NKD1: variants seen among roughly 807,000 people sequenced by gnomAD.
The protein encoded by NKD1 is NKD inhibitor of Wnt signaling pathway 1.
A neutral mutation model predicts 56.0 loss-of-function variants in NKD1; 21 were observed. The ratio of observed to expected loss-of-function variants is 0.38; its 90% CI spans 0.27 to 0.54. The LOEUF (loss-of-function observed/expected upper bound fraction) is 0.54. NKD1 is among the 20% of genes least tolerant of loss of function. The pLI, the probability that NKD1 is intolerant of heterozygous loss-of-function variation, is 0.82. For missense variants in NKD1, 578 were observed against 642.7 expected (o/e 0.90, Z 1.09); for synonymous variants, 263 against 265.7 (o/e 0.99, Z 0.10).
At chr16:50,625,892 C>T (rs1342922759) in intron 6 of NKD1, among the ~76,000 whole-genome samples, 1 of 152,238 alleles carries the variant, frequency 6.6e-6, no homozygotes, top group Non-Finnish European at 1.5e-5. Context: ...GGCCCCAAGG[C>T]CCTAACCGAG....
At chr16:50,613,436 G>C (rs1352818880) in intron 4 of NKD1, among the ~76,000 whole-genome samples, 1 of 152,176 alleles carries the variant, frequency 6.6e-6, no homozygotes, top group Non-Finnish European at 1.5e-5. Context: ...GGGACCCCCA[G>C]ATGGAGGGGC....
chr16:50,592,925 A>G (rs1835496229), intron 3 of NKD1, among the ~76,000 whole-genome samples: 3 of 152,174 alleles, frequency 2.0e-5, no homozygotes, highest in South Asian at 2.1e-4. Flanking sequence ...GGGTATGAAC[A>G]GCACTCCCTT....
At chr16:50,592,783 G>A (rs1160580109) in intron 3 of NKD1, among the ~76,000 whole-genome samples, 1 of 152,112 alleles carries the variant, frequency 6.6e-6, no homozygotes, top group Non-Finnish European at 1.5e-5. Flanking sequence ...ATGGGGAGGG[G>A]GAGGGGGCGG....
Position 50,648,703 on chromosome 16 carries a change from A to C in NKD1, c.*14922A>C, listed in dbSNP as rs1386307371. ...CAGTTCTCAGACTCCTTCGCAAATA[A>C]ATTTTGTGACTAAACTCTAGTCAAC... On this transcript the variant is annotated 3_prime_UTR_variant, in exon 10 of 10. Coordinates refer to ENST00000268459, the MANE Select transcript of NKD1 (RefSeq NM_033119.5). 1 of 152,140 alleles carries C rather than the reference A, an allele frequency of 6.6e-6. No homozygotes were observed. The highest frequency in any genetic ancestry group is 2.4e-5 in the African/African-American group (1 of 41,418). The allele number at this position is 152,140 out of a possible 1,614,324, so 9.4% of individuals were successfully genotyped here.
chr16:50,613,840 C>A (rs963907142), intron 4 of NKD1, among the ~76,000 whole-genome samples: 2 of 152,182 alleles, frequency 1.3e-5, no homozygotes, highest in African/African-American at 4.8e-5. Context: ...CTTCCCCCTC[C>A]CTCCCTGAAC....
intron 3 of NKD1, among the ~76,000 whole-genome samples, chr16:50,592,483 T>A (rs1282603849): frequency 2.6e-5 from 4 of 152,140 alleles, no homozygotes; most frequent in Admixed American, 2.0e-4. Flanking sequence ...GCGGTGTCCT[T>A]TTTTGTCTGC....
chr16:50,631,190 G>C (rs940171421), intron 8 of NKD1, among the ~76,000 whole-genome samples: 20 of 152,190 alleles, frequency 1.3e-4, no homozygotes, highest in African/African-American at 3.9e-4. Flanking sequence ...ACGTGTTGCT[G>C]TTTCTGCTGG....
chr16:50,605,702 C>CT (rs1271653444), intron 3 of NKD1, among the ~76,000 whole-genome samples: 2 of 152,164 alleles, frequency 1.3e-5, no homozygotes, highest in Non-Finnish European at 2.9e-5. Flanking sequence ...TATGCAAATA[C>CT]TACACCATTT....
chr16:50,586,742 A>G (rs990854741), intron 3 of NKD1, among the ~76,000 whole-genome samples: 1 of 152,220 alleles, frequency 6.6e-6, no homozygotes, highest in African/African-American at 2.4e-5. Context: ...TCTTCTGTGC[A>G]TCCTGTACAG....
intron 3 of NKD1, among the ~76,000 whole-genome samples, chr16:50,578,211 C>T (rs1961030896): frequency 6.6e-6 from 1 of 152,136 alleles, no homozygotes; most frequent in East Asian, 1.9e-4. Flanking sequence ...TAGAAAAACT[C>T]TTCCCACTGC....
chr16:50,579,105 C>T (rs1393083546), intron 3 of NKD1, among the ~76,000 whole-genome samples: 16 of 151,672 alleles, frequency 1.1e-4, no homozygotes, highest in East Asian at 5.8e-4. Context: ...CACTCTAACC[C>T]GCCACACATG....
chr16:50,608,267 C>T (rs1439933574), intron 3 of NKD1, 27 bp from the exon 4 acceptor site: 3 of 1,570,596 alleles, frequency 1.9e-6, no homozygotes, highest in East Asian at 2.2e-5. Context: ...AACCCCTGCT[C>T]AATGCCTCTG....
chr16:50,560,406 A>G (rs1454414277), intron 3 of NKD1, among the ~76,000 whole-genome samples: 1 of 152,242 alleles, frequency 6.6e-6, no homozygotes, highest in Non-Finnish European at 1.5e-5. Flanking sequence ...GCTGTGTGCC[A>G]GGCTCTGGGC....
chr16:50,598,233 G>GTA lies in NKD1; in HGVS notation c.193-10060_193-10059insAT, dbSNP rs1265691541. Among the ~76,000 whole-genome samples the GTA allele has an allele frequency of 7.1e-6, 1 of 141,352 alleles. No individual in the cohort carries two copies. Among genetic ancestry groups the GTA allele is most frequent in the African/African-American group, 2.9e-5 (1 of 33,928 alleles). The allele number at this position is 141,352 out of a possible 152,430, so 92.7% of individuals were successfully genotyped here. A position where few individuals can be genotyped will look rare whatever the true frequency, so the allele number is the denominator to read the frequency against. ...GCAGGGCCGCATGGGTGGACTCTGTGTGTGTGTGTGTGTGTGTGTGTGTGT... is the reference window on the plus strand; with the variant it reads ...GCAGGGCCGCATGGGTGGACTCTGTGTATGTGTGTGTGTGTGTGTGTGTGTGT... On this transcript the variant is annotated intron_variant, in intron 3 of 9. Coordinates refer to ENST00000268459, the MANE Select transcript of NKD1 (RefSeq NM_033119.5). This position sits in a 1 kb window ranked among gnomAD's most constrained non-coding sequence, Gnocchi z 4.2.
intron 3 of NKD1, among the ~76,000 whole-genome samples, chr16:50,566,851 G>T (rs994421643): frequency 8.5e-5 from 13 of 152,184 alleles, no homozygotes; most frequent in African/African-American, 3.1e-4. Flanking sequence ...ATAGGTTGAT[G>T]ATTTTTAACC....
At chr16:50,618,726 AG>A (rs1455221974) in intron 4 of NKD1, among the ~76,000 whole-genome samples, 1 of 152,102 alleles carries the variant, frequency 6.6e-6, no homozygotes, top group Non-Finnish European at 1.5e-5. Flanking sequence ...CCATGCTGGG[AG>A]GGGCCCCTGG....
intron 3 of NKD1, among the ~76,000 whole-genome samples, chr16:50,578,358 A>G (rs530014033): frequency 3.9e-5 from 6 of 152,326 alleles, no homozygotes; most frequent in African/African-American, 1.4e-4. Context: ...TTCTGCTGAC[A>G]ACTCTACACT....
At chr16:50,612,962 C>T (rs1461334677) in intron 4 of NKD1, among the ~76,000 whole-genome samples, 1 of 152,010 alleles carries the variant, frequency 6.6e-6, no homozygotes, top group East Asian at 1.9e-4. Context: ...TGCAGGGTCG[C>T]AGGCGAGAGG....
At chr16:50,626,010 G>A (rs994692295) in intron 6 of NKD1, among the ~76,000 whole-genome samples, 2 of 152,248 alleles carry the variant, frequency 1.3e-5, no homozygotes, top group Admixed American at 6.5e-5. Flanking sequence ...GCTTGGGGGT[G>A]GGGGCACAAA....
Sources: allele counts gnomAD v4.1 joint callset (sites outside exome capture counted in the v4.1 genomes callset), GRCh38; gene constraint gnomAD v4.1.1; non-coding constraint Gnocchi (gnomAD v3.1); transcripts MANE v1.5; gene names NCBI Gene and HGNC (gene_info 2026-07-23, HGNC 2026-07-21).